FBLN7: variants seen among roughly 807,000 people sequenced by gnomAD.
FBLN7 encodes the protein fibulin 7.
In FBLN7, 31 loss-of-function variants were observed where a neutral mutation model predicts 44.0. The ratio of observed to expected loss-of-function variants is 0.70; its 90% CI spans 0.53 to 0.95. The LOEUF is 0.95. Ranked by LOEUF, FBLN7 falls within the 40% of genes least tolerant of loss-of-function variation. The pLI, the probability that FBLN7 is intolerant of heterozygous loss-of-function variation, is 0.00. For missense variants in FBLN7, 573 were observed against 618.5 expected, an observed-to-expected ratio of 0.93 and a Z score of 0.78; for synonymous variants, 262 against 253.4, an observed-to-expected ratio of 1.03 and a Z score of -0.32.
At chr2:112,156,882 G>A (rs893915805) in intron 1 of FBLN7, among the ~76,000 whole-genome samples, 1 of 152,130 alleles carries the variant, frequency 6.6e-6, no homozygotes, top group Non-Finnish European at 1.5e-5. Flanking sequence ...AGCCTCCCTG[G>A]GAGAGCGGCA....
At chr2:112,189,634 G>C (rs1683419349), downstream of FBLN7, 1 of 152,184 alleles carries the variant, frequency 6.6e-6, no homozygotes, top group Non-Finnish European at 1.5e-5. Context: ...TGAGGGAGGG[G>C]CTTTAAGACT....
the FBLN7 span, among the ~76,000 whole-genome samples, chr2:112,217,093 G>A: frequency 2.0e-5 from 3 of 152,164 alleles, no homozygotes; most frequent in African/African-American, 7.2e-5. Flanking sequence ...AACAGACCAG[G>A]CGCGGTGGCT....
chr2:112,220,075 A>G, the FBLN7 span, among the ~76,000 whole-genome samples: 3 of 152,220 alleles, frequency 2.0e-5, no homozygotes, highest in Non-Finnish European at 4.4e-5. Flanking sequence ...TGAAGACAGC[A>G]TACCATTGGG....
At chr2:112,209,993 T>C in the FBLN7 span, among the ~76,000 whole-genome samples, 2 of 151,634 alleles carry the variant, frequency 1.3e-5, no homozygotes, top group Non-Finnish European at 2.9e-5. Flanking sequence ...GGAGTGGTGA[T>C]GCTGGCAGCC....
chr2:112,164,910 C>A, intron 2 of FBLN7, 91 bp from the exon 3 acceptor site: 2 of 1,390,632 alleles, frequency 1.4e-6, no homozygotes, highest in Non-Finnish European at 2.0e-6. Context: ...CAACAGAGGG[C>A]ACTTCGAGAT....
the FBLN7 span, among the ~76,000 whole-genome samples, chr2:112,224,227 G>GT: frequency 6.6e-6 from 1 of 152,264 alleles, no homozygotes; most frequent in Admixed American, 6.5e-5. Flanking sequence ...TATCAGGAAC[G>GT]TAAGGGTGGT....
At chr2:112,139,153 C>T (rs1680510711) in intron 1 of FBLN7, among the ~76,000 whole-genome samples, 3 of 80,798 alleles carry the variant, frequency 3.7e-5, no homozygotes, top group Admixed American at 1.1e-4. Context: ...TCTCTCCACG[C>T]CAGTGTCCCT....
At position 112,171,933 on chromosome 2, in the gene FBLN7, A is replaced by G. The variant is rs35727862; in HGVS notation, c.407-3781A>G. On this transcript the variant is annotated intron_variant, in intron 3 of 7. Transcript: ENST00000331203. Reference sequence around the variant, plus strand: ...GGCTAATTTTTTTGTATTTTTAGTAAAGACAGGGTTTCACCGTGTTAGCCA... The same window carrying G: ...GGCTAATTTTTTTGTATTTTTAGTAGAGACAGGGTTTCACCGTGTTAGCCA... Among the ~76,000 whole-genome samples, 681 of 152,156 alleles carry G rather than the reference A, an allele frequency of 4.5e-3. 5 individuals carry two copies. Among genetic ancestry groups the G allele is most frequent in the African/African-American group, 0.015 (629 of 41,504 alleles).
At chr2:112,144,496 CTTTTGTTTTTGT>C (rs796781574) in intron 1 of FBLN7, among the ~76,000 whole-genome samples, 2 of 147,206 alleles carry the variant, frequency 1.4e-5, no homozygotes, top group East Asian at 2.0e-4. Context: ...TTTGTTTTTG[CTTTTGTTTTTGT>C]TTTTGTTTTC....
intron 1 of FBLN7, among the ~76,000 whole-genome samples, chr2:112,146,330 AAAC>A (rs770740462): frequency 6.6e-6 from 1 of 152,230 alleles, no homozygotes; most frequent in Non-Finnish European, 1.5e-5. Flanking sequence ...TCTGTCTCAA[AAAC>A]AACAACAGCA....
chr2:112,157,966 G>T (rs191483515), intron 1 of FBLN7, among the ~76,000 whole-genome samples: 1 of 148,724 alleles, frequency 6.7e-6, no homozygotes, highest in Non-Finnish European at 1.5e-5. Flanking sequence ...GCGCGATCTC[G>T]GCTCACTGCA....
At chr2:112,166,095 G>A (rs975995682) in intron 3 of FBLN7, among the ~76,000 whole-genome samples, 11 of 152,230 alleles carry the variant, frequency 7.2e-5, no homozygotes, top group African/African-American at 2.7e-4. Flanking sequence ...CCGTTGCCCA[G>A]TCTGGAGTGC....
the FBLN7 span, among the ~76,000 whole-genome samples, chr2:112,197,264 CACACACACACAGAGAG>C: frequency 6.2e-5 from 8 of 129,838 alleles, no homozygotes; most frequent in African/African-American, 1.8e-4. Flanking sequence ...CACACACACA[CACACACACACAGAGAG>C]AGAGAGAGAG....
At chr2:112,225,373 G>C in the FBLN7 span, among the ~76,000 whole-genome samples, 1 of 152,230 alleles carries the variant, frequency 6.6e-6, no homozygotes, top group Non-Finnish European at 1.5e-5. Flanking sequence ...AGCTACTTGG[G>C]AGGCTTAGGT....
chr2:112,194,029 A>G, the FBLN7 span, among the ~76,000 whole-genome samples: 1 of 152,222 alleles, frequency 6.6e-6, no homozygotes, highest in African/African-American at 2.4e-5. Flanking sequence ...GTTCAGAGAG[A>G]GCACAGGGGA....
the FBLN7 span, among the ~76,000 whole-genome samples, chr2:112,198,222 C>T: frequency 6.6e-6 from 1 of 152,194 alleles, no homozygotes; most frequent in African/African-American, 2.4e-5. Flanking sequence ...TCTCCCCCAA[C>T]CACCTAAATT....
Position 112,138,506 on chromosome 2 carries a change from G to C in FBLN7, c.-150G>C, listed in dbSNP as rs888123586. On this transcript the variant is annotated 5_prime_UTR_variant, in exon 1 of 8. Transcript: ENST00000331203. ...GATCCCCGCGGGACGCGCTGCGCTC[G>C]GGGCCTCCCGCCTCCCCCCCTGCCC... 1.9e-5 allele frequency: 20 copies of C among 1,035,210 alleles called. No individual in the cohort carries two copies. Among genetic ancestry groups the C allele is most frequent in the Non-Finnish European group, 2.6e-5 (20 of 769,010 alleles). The allele number at this position is 1,035,210 out of a possible 1,614,324, so 64.1% of individuals were successfully genotyped here.
At chr2:112,158,896 C>T (rs561559140) in intron 1 of FBLN7, among the ~76,000 whole-genome samples, 1 of 152,282 alleles carries the variant, frequency 6.6e-6, no homozygotes, top group African/African-American at 2.4e-5. Context: ...AGAATTTTAG[C>T]ATTAAGTAGA....
chr2:112,234,966 G>C, the FBLN7 span, among the ~76,000 whole-genome samples: 1 of 152,016 alleles, frequency 6.6e-6, no homozygotes, highest in African/African-American at 2.4e-5. Context: ...TGTGAGTTGA[G>C]CACACTTATC....
Sources: gnomAD v4.1 joint callset for allele counts (sites outside exome capture counted in the v4.1 genomes callset) on GRCh38, gnomAD v4.1.1 for gene constraint, MANE v1.5 for transcripts, NCBI Gene and HGNC (gene_info 2026-07-23, HGNC 2026-07-21) for gene names.